BNC2: variants seen among roughly 807,000 people sequenced by gnomAD.
The protein encoded by BNC2 is basonuclin zinc finger protein 2.
BNC2 carries 20 observed loss-of-function variants against 76.3 expected under a neutral mutation model. The ratio of observed to expected loss-of-function variants is 0.26; its 90% CI spans 0.18 to 0.38. BNC2 has a LOEUF of 0.38. BNC2 is among the 10% of genes least tolerant of loss of function. BNC2 has a pLI of 1.00. For synonymous variants in BNC2, 582 were observed against 514.8 expected, an observed-to-expected ratio of 1.13 and a Z score of -1.77; for missense variants, 1,382 against 1,399.8, an observed-to-expected ratio of 0.99 and a Z score of 0.20.
chr9:16,814,114 C>A (rs1457618070), intron 1 of BNC2, among the ~76,000 whole-genome samples: 2 of 152,196 alleles, frequency 1.3e-5, no homozygotes, highest in African/African-American at 4.8e-5. Flanking sequence ...TGTTTCATCT[C>A]CTCATCTACT....
intron 1 of BNC2, among the ~76,000 whole-genome samples, chr9:16,751,672 G>GTA (rs1825211099): frequency 2.5e-5 from 3 of 121,704 alleles, no homozygotes; most frequent in South Asian, 3.1e-4. Context: ...GTATGTATGT[G>GTA]TATATATATA....
At chr9:16,769,860 C>A (rs139375776) in intron 1 of BNC2, among the ~76,000 whole-genome samples, 201 of 152,242 alleles carry the variant, frequency 1.3e-3, no homozygotes, top group African/African-American at 4.7e-3. Flanking sequence ...AACCCTGATG[C>A]TGTGAAGTAT....
At chr9:16,669,704 T>C (rs1822416872) in intron 3 of BNC2, among the ~76,000 whole-genome samples, 1 of 152,238 alleles carries the variant, frequency 6.6e-6, no homozygotes, top group Admixed American at 6.5e-5. Context: ...AATAGAGAAC[T>C]ACTTCTTCTC....
At position 16,858,627 on chromosome 9, in the gene BNC2, G is replaced by C. The variant is rs895958673; in HGVS notation, c.3+12019C>G. Among the ~76,000 whole-genome samples the C allele has an allele frequency of 2.0e-5, 3 of 152,006 alleles. No individual in the cohort carries two copies. The East Asian group carries it at 5.8e-4, about 29-fold the overall frequency. The stretch of plus-strand genomic sequence containing the variant: ...TGGGAGGCCGAGGCGGGTGGATCAC[G>C]AGGTCAGGAGGATCAAGACCATCCT... On this transcript the variant is annotated intron_variant, in intron 1 of 6. Coordinates refer to ENST00000380672, the MANE Select transcript of BNC2 (RefSeq NM_017637.6).
At chr9:16,740,815 C>A (rs1354511675) in intron 1 of BNC2, among the ~76,000 whole-genome samples, 1 of 151,834 alleles carries the variant, frequency 6.6e-6, no homozygotes, top group East Asian at 1.9e-4. Context: ...AGAATATGAT[C>A]AAGAGCACAA....
chr9:16,458,448 A>C (rs187304841), intron 5 of BNC2, among the ~76,000 whole-genome samples: 2 of 152,330 alleles, frequency 1.3e-5, no homozygotes, highest in East Asian at 3.9e-4. Context: ...TTTTGTATTC[A>C]AATAGGGTAG....
At chr9:16,858,528 A>G (rs1188370641) in intron 1 of BNC2, among the ~76,000 whole-genome samples, 1 of 152,218 alleles carries the variant, frequency 6.6e-6, no homozygotes, top group Non-Finnish European at 1.5e-5. Flanking sequence ...AAGCAAGAAT[A>G]GACAAATGGA....
chr9:16,705,345 T>C (rs1430203683), intron 3 of BNC2, among the ~76,000 whole-genome samples: 1 of 152,196 alleles, frequency 6.6e-6, no homozygotes, highest in Non-Finnish European at 1.5e-5. Flanking sequence ...TGGGCCAGCT[T>C]TGACGGGAAA....
intron 4 of BNC2, among the ~76,000 whole-genome samples, chr9:16,553,064 C>T (rs1392358679): frequency 1.3e-5 from 2 of 152,030 alleles, no homozygotes; most frequent in African/African-American, 4.8e-5. Flanking sequence ...TTCAAATGAC[C>T]GTGGCTGGTG....
At chr9:16,534,323 A>G (rs1818068435) in intron 5 of BNC2, among the ~76,000 whole-genome samples, 1 of 152,176 alleles carries the variant, frequency 6.6e-6, no homozygotes, top group African/African-American at 2.4e-5. Flanking sequence ...GCAGGAATGG[A>G]CATCTAACTG....
chr9:16,561,683 T>TA (rs1819020882), intron 4 of BNC2, among the ~76,000 whole-genome samples: 1 of 152,152 alleles, frequency 6.6e-6, no homozygotes, highest in African/African-American at 2.4e-5. Context: ...TTCTGAGTGC[T>TA]AAAATAATTC....
chr9:16,773,857 T>C (rs962583150), intron 1 of BNC2, among the ~76,000 whole-genome samples: 1 of 152,240 alleles, frequency 6.6e-6, no homozygotes, highest in Non-Finnish European at 1.5e-5. Flanking sequence ...TCTATTTGAA[T>C]ACAAATAATG....
chr9:16,658,486 C>T (rs17813267), intron 3 of BNC2, among the ~76,000 whole-genome samples: 4,361 of 152,238 alleles, frequency 0.029, 93 homozygotes, highest in Non-Finnish European at 0.043. Flanking sequence ...TTGTTTTCAC[C>T]GTGAATAGTC....
chr9:16,496,644 T>G (rs1822395253), intron 5 of BNC2, among the ~76,000 whole-genome samples: 1 of 152,232 alleles, frequency 6.6e-6, no homozygotes, highest in African/African-American at 2.4e-5. Flanking sequence ...CTTTAAATAT[T>G]TAATATAATT....
chr9:16,828,148 C>G (rs1449600538), intron 1 of BNC2, among the ~76,000 whole-genome samples: 2 of 152,150 alleles, frequency 1.3e-5, no homozygotes, highest in Non-Finnish European at 2.9e-5. Context: ...AACCAGACAT[C>G]TGCATGCTAC....
intron 3 of BNC2, among the ~76,000 whole-genome samples, chr9:16,652,182 G>A (rs998787385): frequency 3.9e-5 from 6 of 152,056 alleles, no homozygotes; most frequent in Non-Finnish European, 8.8e-5. Flanking sequence ...AGAGAAACAA[G>A]AAATATTTAG....
rs1820422194 is a variant in BNC2 at position 16,409,791 on chromosome 9, A to G, written c.*9198T>C. The G allele has an allele frequency of 6.6e-6, 1 of 152,570 alleles. No individual in the cohort carries two copies. Among genetic ancestry groups the G allele is most frequent in the Non-Finnish European group, 1.5e-5 (1 of 67,966 alleles). The allele number at this position is 152,570 out of a possible 1,614,324, so 9.5% of individuals were successfully genotyped here. A position where few individuals can be genotyped will look rare whatever the true frequency, so the allele number is the denominator to read the frequency against. ...ACATACAGTATTTAGGAAGCTACCAACGTCACAATGATTAGATCAGGGTGA... is the reference window on the plus strand; with the variant it reads ...ACATACAGTATTTAGGAAGCTACCAGCGTCACAATGATTAGATCAGGGTGA... On this transcript the variant is annotated 3_prime_UTR_variant, in exon 7 of 7. Transcript: ENST00000380672.
At chr9:16,619,523 T>C (rs1252800900) in intron 3 of BNC2, among the ~76,000 whole-genome samples, 1 of 152,144 alleles carries the variant, frequency 6.6e-6, no homozygotes, top group Non-Finnish European at 1.5e-5. Flanking sequence ...ACTGAAATGC[T>C]CTTGTCCATG....
At chr9:16,599,225 C>T (rs1378013518) in intron 3 of BNC2, among the ~76,000 whole-genome samples, 1 of 152,128 alleles carries the variant, frequency 6.6e-6, no homozygotes, top group Non-Finnish European at 1.5e-5. Flanking sequence ...AACTGTGGAG[C>T]AAAGTGATTT....
Sources: gnomAD v4.1 joint callset for allele counts (sites outside exome capture counted in the v4.1 genomes callset) on GRCh38, gnomAD v4.1.1 for gene constraint, MANE v1.5 for transcripts, NCBI Gene and HGNC (gene_info 2026-07-23, HGNC 2026-07-21) for gene names.